Variants in GRP observed in about 807,000 individuals in gnomAD.
GRP encodes gastrin releasing peptide.
GRP carries 11 observed loss-of-function variants against 12.7 expected under a neutral mutation model. That is an observed-to-expected ratio of 0.87 (90% CI 0.55 to 1.44). The LOEUF is 1.44. GRP is among the 40% of genes most tolerant of loss of function. GRP has a pLI of 0.00. For missense variants in GRP, 212 were observed against 185.4 expected (o/e 1.14, Z -0.83); for synonymous variants, 84 against 77.7 (o/e 1.08, Z -0.43).
At chr18:59,222,449 G>A (rs540244443) in intron 1 of GRP, among the ~76,000 whole-genome samples, 5 of 152,272 alleles carry the variant, frequency 3.3e-5, no homozygotes, top group African/African-American at 1.2e-4. Context: ...ACTGTGCAGA[G>A]TTGAGGAGGA....
intron 1 of GRP, among the ~76,000 whole-genome samples, chr18:59,221,078 T>C (rs2069824709): frequency 6.6e-6 from 1 of 152,270 alleles, no homozygotes; most frequent in Admixed American, 6.5e-5. Context: ...GCCAGCAGGC[T>C]CTGAGCTTGG....
rs1555663416 is a variant in GRP, at chr18:59,227,020, T to TCTTTCTTTCTTTCTTTCTTTCTTCCTTC, written c.382+1309_382+1310insCCTTCCTTTCTTTCTTTCTTTCTTTCTT. Reference sequence around the variant, plus strand: ...TTCTTTCTTTCTTTCTTTCTTTCTTTCTTTCTTTCTTTCTTTCTTTCTTTC... The same window carrying TCTTTCTTTCTTTCTTTCTTTCTTCCTTC: ...TTCTTTCTTTCTTTCTTTCTTTCTTTCTTTCTTTCTTTCTTTCTTTCTTCCTTCCTTTCTTTCTTTCTTTCTTTCTTTC... On this transcript the variant is annotated intron_variant, in intron 2 of 2. Coordinates refer to ENST00000256857, the MANE Select transcript of GRP (RefSeq NM_002091.5). 7.4e-3 allele frequency among the ~76,000 whole-genome samples: 1,047 copies of TCTTTCTTTCTTTCTTTCTTTCTTCCTTC among 142,020 alleles called. 15 individuals are homozygous for TCTTTCTTTCTTTCTTTCTTTCTTCCTTC. Among genetic ancestry groups the TCTTTCTTTCTTTCTTTCTTTCTTCCTTC allele is most frequent in the Non-Finnish European group, 0.01 (659 of 65,564 alleles). The allele number at this position is 142,020 out of a possible 152,430, so 93.2% of individuals were successfully genotyped here. A position where few individuals can be genotyped will look rare whatever the true frequency, so the allele number is the denominator to read the frequency against.
At chr18:59,222,445 C>G (rs930830871) in intron 1 of GRP, among the ~76,000 whole-genome samples, 1 of 152,078 alleles carries the variant, frequency 6.6e-6, no homozygotes, top group Non-Finnish European at 1.5e-5. Flanking sequence ...GATAACTGTG[C>G]AGAGTTGAGG....
chr18:59,230,304 A>G, intron 2 of GRP, 100 bp from the exon 3 acceptor site: 1 of 760,450 alleles, frequency 1.3e-6, no homozygotes, highest in Non-Finnish European at 2.4e-6. Context: ...CCTTTCTAAC[A>G]AGCTCCCAAG....
intron 2 of GRP, among the ~76,000 whole-genome samples, chr18:59,227,037 CTTTCTTTCTTT>C (rs1466886282): frequency 3.8e-5 from 5 of 130,500 alleles, no homozygotes; most frequent in African/African-American, 1.5e-4. Context: ...TTCTTTCTTT[CTTTCTTTCTTT>C]CTTTCTTCCT....
chr18:59,227,037 CTTT>C (rs2069947904), intron 2 of GRP, among the ~76,000 whole-genome samples: 1 of 130,400 alleles, frequency 7.7e-6, no homozygotes, highest in Non-Finnish European at 1.6e-5. Context: ...TTCTTTCTTT[CTTT>C]CTTTCTTTCT....
chr18:59,229,509 G>A (rs2069997113), intron 2 of GRP, among the ~76,000 whole-genome samples: 2 of 152,130 alleles, frequency 1.3e-5, no homozygotes, highest in Non-Finnish European at 2.9e-5. Context: ...GCATGCGTGG[G>A]AATCAAACCC....
chr18:59,222,995 A>G (rs2069859894), intron 1 of GRP, among the ~76,000 whole-genome samples: 1 of 152,212 alleles, frequency 6.6e-6, no homozygotes, highest in African/African-American at 2.4e-5. Context: ...CCACTGCAGA[A>G]TGGCTTGTTA....
chr18:59,225,525 C>T lies in GRP; in HGVS notation c.173C>T (p.Ser58Phe). Residue 58 changes from serine (S) to phenylalanine (F), a missense_variant, in exon 2 of 3, where the codon TCT (serine) becomes TTT (phenylalanine). Physicochemically the swap from Ser to Phe is radical, Grantham distance 155. Transcript: ENST00000256857. ...ATGGGGAAAAAGAGCACAGGGGAGTCTTCTTCTGTTTCTGAGAGAGGGAGC... is the reference window on the plus strand; with the variant it reads ...ATGGGGAAAAAGAGCACAGGGGAGTTTTCTTCTGTTTCTGAGAGAGGGAGC... ...HLMGKKSTGE[S>F]SSVSERGSLK... is the part of the protein sequence containing the mutation. The T allele has an allele frequency of 6.2e-7, 1 of 1,613,254 alleles. No individual in the cohort carries two copies. The highest frequency in any genetic ancestry group is 1.1e-5 in the South Asian group (1 of 90,914).
chr18:59,230,357 G>A, intron 2 of GRP, 47 bp from the exon 3 acceptor site: 1 of 1,013,944 alleles, frequency 9.9e-7, no homozygotes, highest in Non-Finnish European at 1.6e-6. Flanking sequence ...TCTAGGATTA[G>A]ACTTCAGCTC....
upstream of GRP, among the ~76,000 whole-genome samples, chr18:59,219,798 C>T (rs1169814418): frequency 6.6e-6 from 1 of 152,106 alleles, no homozygotes; most frequent in Non-Finnish European, 1.5e-5. Context: ...CCACCCCTCC[C>T]GGCCCAGATC....
chr18:59,223,931 A>G (rs1244963593), intron 1 of GRP, among the ~76,000 whole-genome samples: 3 of 152,236 alleles, frequency 2.0e-5, no homozygotes, highest in East Asian at 3.8e-4. Flanking sequence ...GTCTCATGTC[A>G]TAAGCAATTT....
chr18:59,222,280 G>A (rs772219664), intron 1 of GRP, among the ~76,000 whole-genome samples: 14 of 152,164 alleles, frequency 9.2e-5, no homozygotes, highest in African/African-American at 1.4e-4. Context: ...CTGTAGTTCC[G>A]CAGAACATCT....
intron 2 of GRP, among the ~76,000 whole-genome samples, chr18:59,227,017 CTT>C (rs770906493): frequency 7.6e-6 from 1 of 131,718 alleles, no homozygotes; most frequent in Non-Finnish European, 1.6e-5. Flanking sequence ...TTCTTTCTTT[CTT>C]TCTTTCTTTC....
At chr18:59,221,261 C>T (rs904952448) in intron 1 of GRP, among the ~76,000 whole-genome samples, 6 of 152,248 alleles carry the variant, frequency 3.9e-5, no homozygotes, top group Non-Finnish European at 2.9e-5. Flanking sequence ...CGCCATGGCC[C>T]CTAGAACCCA....
rs750638080 is a variant in GRP, at chr18:59,225,491, G to A, written c.140-1G>A. The A allele has an allele frequency of 6.2e-7, 1 of 1,604,298 alleles. No homozygotes were observed. Among genetic ancestry groups the A allele is most frequent in the East Asian group, 2.2e-5 (1 of 44,784 alleles). ...GAGTGTTTTTGTTTTTGTTTTTACA[G>A]GGCACTTAATGGGGAAAAAGAGCAC... On this transcript the variant is annotated splice_acceptor_variant, in intron 1 of 2. Transcript: ENST00000256857. LOFTEE classifies it high-confidence loss of function.
chr18:59,220,260 G>C lies in GRP; in HGVS notation c.-6G>C, dbSNP rs988982340. ...CGGCGCGCTCCAAGGGCTTCCCGTC[G>C]GGACCATGCGCGGCCGTGAGCTCCC... On this transcript the variant is annotated 5_prime_UTR_variant, in exon 1 of 3. Transcript: ENST00000256857. 3.7e-5 allele frequency: 55 copies of C among 1,495,470 alleles called. No individual in the cohort carries two copies. The highest frequency in any genetic ancestry group is 5.8e-5 in the African/African-American group (4 of 69,280). 92.6% of individuals were successfully genotyped at this position (1,495,470 alleles called of 1,614,324 possible).
At chr18:59,226,343 G>C (rs1489077787) in intron 2 of GRP, among the ~76,000 whole-genome samples, 1 of 152,108 alleles carries the variant, frequency 6.6e-6, no homozygotes, top group Non-Finnish European at 1.5e-5. Context: ...AGATAAGAGA[G>C]AATAAAATTT....
intron 2 of GRP, among the ~76,000 whole-genome samples, chr18:59,229,741 A>G (rs1424853420): frequency 6.6e-6 from 1 of 152,198 alleles, no homozygotes; most frequent in Non-Finnish European, 1.5e-5. Flanking sequence ...GGAACAAAGA[A>G]GTATTTTAAA....
Sources: allele counts gnomAD v4.1 joint callset (sites outside exome capture counted in the v4.1 genomes callset), GRCh38; gene constraint gnomAD v4.1.1; transcripts MANE v1.5; gene names NCBI Gene and HGNC (gene_info 2026-07-23, HGNC 2026-07-21).